Variants in SUPT3H observed in about 807,000 individuals in gnomAD.
The protein encoded by SUPT3H is transcription initiation protein SPT3 homolog.
Under a neutral mutation model 44.3 loss-of-function variants are expected in SUPT3H, and 44 were observed. The ratio of observed to expected loss-of-function variants is 0.99; its 90% confidence interval spans 0.78 to 1.28. The LOEUF (loss-of-function observed/expected upper bound fraction) is 1.28. Ranked by LOEUF, SUPT3H falls within the 50% of genes most tolerant of loss-of-function variation. SUPT3H has a pLI of 0.00. For synonymous variants in SUPT3H, 124 were observed against 125.6 expected (o/e 0.99, Z 0.09); for missense variants, 380 against 387.1 (o/e 0.98, Z 0.15).
chr6:45,135,580 T>A (rs1444250773), intron 2 of SUPT3H, among the ~76,000 whole-genome samples: 2 of 152,192 alleles, frequency 1.3e-5, no homozygotes, highest in African/African-American at 4.8e-5. Flanking sequence ...TGGACACAAC[T>A]TAGCTAAGTC....
At chr6:44,979,546 G>C (rs12661902) in intron 6 of SUPT3H, among the ~76,000 whole-genome samples, 4 of 150,770 alleles carry the variant, frequency 2.7e-5, no homozygotes, top group Non-Finnish European at 5.9e-5. Flanking sequence ...TGTGTGTGGG[G>C]GGGGGAAATC....
intron 3 of SUPT3H, among the ~76,000 whole-genome samples, chr6:45,070,988 G>C (rs1044471670): frequency 6.6e-6 from 1 of 151,966 alleles, no homozygotes; most frequent in Non-Finnish European, 1.5e-5. Flanking sequence ...TAATTAATCA[G>C]TATGTTTGCT....
At chr6:44,870,433 C>T (rs371499723) in intron 10 of SUPT3H, among the ~76,000 whole-genome samples, 6 of 151,756 alleles carry the variant, frequency 4.0e-5, no homozygotes, top group African/African-American at 1.5e-4. Flanking sequence ...TCCATCTCTA[C>T]GAAAAATACA....
At chr6:45,349,825 A>G (rs1791650926) in intron 2 of SUPT3H, among the ~76,000 whole-genome samples, 1 of 152,250 alleles carries the variant, frequency 6.6e-6, no homozygotes, top group South Asian at 2.1e-4. Flanking sequence ...TCCACTGCAT[A>G]ATCAGTTCAT....
intron 5 of SUPT3H, 133 bp downstream of exon 5, chr6:45,014,668 G>A: frequency 2.0e-6 from 1 of 491,108 alleles, no homozygotes; most frequent in East Asian, 3.4e-5. Context: ...CTTTTGCAAG[G>A]GTATTCCACT....
intron 3 of SUPT3H, among the ~76,000 whole-genome samples, chr6:45,068,609 A>T (rs2153549869): frequency 1.3e-5 from 2 of 152,318 alleles, no homozygotes; most frequent in Middle Eastern, 6.8e-3. Flanking sequence ...ATTTTTGGCA[A>T]TCATAAGATA....
chr6:44,987,635 C>G (rs1780001881), intron 6 of SUPT3H, among the ~76,000 whole-genome samples: 1 of 152,102 alleles, frequency 6.6e-6, no homozygotes, highest in South Asian at 2.1e-4. Context: ...AATGTAACCT[C>G]TTTTGAGAAG....
chr6:45,306,224 C>T (rs955307229), intron 2 of SUPT3H, among the ~76,000 whole-genome samples: 2 of 152,016 alleles, frequency 1.3e-5, no homozygotes, highest in South Asian at 4.1e-4. Flanking sequence ...AGCAAGTCCA[C>T]AAGCCATACC....
intron 6 of SUPT3H, among the ~76,000 whole-genome samples, chr6:44,987,947 G>C (rs942076607): frequency 2.0e-5 from 3 of 152,058 alleles, no homozygotes; most frequent in African/African-American, 7.2e-5. Context: ...GTACACTAGG[G>C]AATGTTCTAG....
chr6:45,228,672 G>A (rs1767384031), intron 2 of SUPT3H, among the ~76,000 whole-genome samples: 1 of 151,612 alleles, frequency 6.6e-6, no homozygotes, highest in Admixed American at 6.6e-5. Flanking sequence ...TTTTTGAGAT[G>A]GAGTCTCACT....
At chr6:44,931,698 G>T (rs1182909320) in intron 10 of SUPT3H, among the ~76,000 whole-genome samples, 1 of 151,898 alleles carries the variant, frequency 6.6e-6, no homozygotes, top group Non-Finnish European at 1.5e-5. Flanking sequence ...CTGTTACACA[G>T]AGAATCTATC....
At chr6:45,217,107 G>A (rs1765187963) in intron 2 of SUPT3H, among the ~76,000 whole-genome samples, 1 of 152,060 alleles carries the variant, frequency 6.6e-6, no homozygotes, top group African/African-American at 2.4e-5. Context: ...ATTATTATGT[G>A]TTAATGAAAA....
At chr6:44,962,556 G>C (rs74498271) in intron 6 of SUPT3H, among the ~76,000 whole-genome samples, 3 of 123,488 alleles carry the variant, frequency 2.4e-5, no homozygotes, top group Non-Finnish European at 3.3e-5. Context: ...GCCCAGCGAA[G>C]AAAAAAAAAA....
chr6:44,956,124 A>G (rs1441899826), intron 7 of SUPT3H, among the ~76,000 whole-genome samples: 2 of 151,188 alleles, frequency 1.3e-5, no homozygotes, highest in Admixed American at 1.3e-4. Context: ...CGTCTCAAAA[A>G]AAAAAAAGAT....
At chr6:44,985,845 C>A (rs372932975) in intron 6 of SUPT3H, among the ~76,000 whole-genome samples, 2 of 152,062 alleles carry the variant, frequency 1.3e-5, no homozygotes, top group African/African-American at 4.8e-5. Flanking sequence ...CTTTAAAGTC[C>A]CTCTTAGCTA....
chr6:44,930,105 G>A (rs916133285), intron 10 of SUPT3H, among the ~76,000 whole-genome samples: 2 of 152,046 alleles, frequency 1.3e-5, no homozygotes, highest in African/African-American at 4.8e-5. Flanking sequence ...TAGGCTGGGC[G>A]AGGTGGCTCA....
At chr6:45,370,383 G>A (rs1374874761) in intron 1 of SUPT3H, among the ~76,000 whole-genome samples, 4 of 151,856 alleles carry the variant, frequency 2.6e-5, no homozygotes, top group Non-Finnish European at 4.4e-5. Flanking sequence ...CCAGAAGACT[G>A]GGAAGGAAAA....
In SUPT3H at chr6:45,023,746, C is replaced by A. The variant is rs541109278; in HGVS notation, c.187-3114G>T. 4.6e-3 allele frequency among the ~76,000 whole-genome samples: 694 copies of A among 151,972 alleles called. 3 individuals carry two copies. The highest frequency in any genetic ancestry group is 7.4e-3 in the Non-Finnish European group (503 of 67,936). ...GAACACAAAAAAGGAAACATAGACA[C>A]TGGGGCCTACTTGAAGGTGGAAGGA... On this transcript the variant is annotated intron_variant, in intron 3 of 10. Transcript: ENST00000371459.
chr6:45,148,652 T>C (rs1806468425), intron 2 of SUPT3H, among the ~76,000 whole-genome samples: 1 of 152,154 alleles, frequency 6.6e-6, no homozygotes, highest in Non-Finnish European at 1.5e-5. Flanking sequence ...GATAATCCTC[T>C]TTCCATCACT....
Sources: gnomAD v4.1 joint callset for allele counts (sites outside exome capture counted in the v4.1 genomes callset) on GRCh38, gnomAD v4.1.1 for gene constraint, MANE v1.5 for transcripts, NCBI Gene and HGNC (gene_info 2026-07-23, HGNC 2026-07-21) for gene names.